ATP13A5: variants seen among roughly 807,000 people sequenced by gnomAD.
ATP13A5 encodes probable cation-transporting ATPase 13A5.
ATP13A5 carries 149 observed loss-of-function variants against 150.2 expected under a neutral mutation model. The ratio of observed to expected loss-of-function variants is 0.99; its 90% CI spans 0.87 to 1.14. ATP13A5 has a LOEUF of 1.14. ATP13A5 is among the 50% of genes most tolerant of loss of function. ATP13A5 has a pLI of 0.00. For missense variants in ATP13A5, 1,383 were observed against 1,449.3 expected, an observed-to-expected ratio of 0.95 and a Z score of 0.74; for synonymous variants, 497 against 522.2, an observed-to-expected ratio of 0.95 and a Z score of 0.66.
chr3:193,363,607 C>A (rs140130490), intron 2 of ATP13A5, among the ~76,000 whole-genome samples: 9 of 152,238 alleles, frequency 5.9e-5, no homozygotes, highest in African/African-American at 2.2e-4. Context: ...CCAGATGATT[C>A]TGATATGCAC....
At chr3:193,338,422 A>G (rs1244720177) in intron 9 of ATP13A5, among the ~76,000 whole-genome samples, 1 of 152,144 alleles carries the variant, frequency 6.6e-6, no homozygotes, top group Non-Finnish European at 1.5e-5. Flanking sequence ...TACCTAATTT[A>G]TTGAAAGTTT....
intron 25 of ATP13A5, among the ~76,000 whole-genome samples, chr3:193,292,903 G>T (rs537554037): frequency 6.6e-6 from 1 of 152,192 alleles, no homozygotes; most frequent in East Asian, 1.9e-4. Flanking sequence ...TACTACTTCT[G>T]ACAGAGAATC....
At chr3:193,296,410 C>T (rs1388779053) in intron 25 of ATP13A5, among the ~76,000 whole-genome samples, 6 of 152,136 alleles carry the variant, frequency 3.9e-5, no homozygotes, top group Non-Finnish European at 8.8e-5. Context: ...TATGGCTAGC[C>T]AGTTCTCCCA....
chr3:193,314,679 G>T (rs1308623924), intron 18 of ATP13A5, among the ~76,000 whole-genome samples: 1 of 152,108 alleles, frequency 6.6e-6, no homozygotes, highest in Non-Finnish European at 1.5e-5. Context: ...TGGGTTTCTT[G>T]ATGAGAACAC....
chr3:193,363,376 A>G lies in ATP13A5; in HGVS notation c.244T>C (p.Phe82Leu). The change falls in exon 3 of 30, where the codon TTT (phenylalanine) becomes CTT (leucine). Residue 82 changes from phenylalanine to leucine, a missense_variant. Transcript: ENST00000342358. ...DTVLLRTTDE[F>L]QRYMRKKVFC... is the part of the protein sequence containing the mutation. Reference sequence around the variant, plus strand: ...ACCTTCTTCCTCATATATCTTTGAAATTCGTCCTGGAAAAGACAATCCAGT... The same window carrying G: ...ACCTTCTTCCTCATATATCTTTGAAGTTCGTCCTGGAAAAGACAATCCAGT... 6.2e-7 allele frequency: 1 copy of G among 1,611,334 alleles called. No individual in the cohort carries two copies. The highest frequency in any genetic ancestry group is 8.5e-7 in the Non-Finnish European group (1 of 1,178,616).
intron 16 of ATP13A5, among the ~76,000 whole-genome samples, chr3:193,319,913 A>G (rs1408612480): frequency 6.6e-6 from 1 of 152,214 alleles, no homozygotes; most frequent in Non-Finnish European, 1.5e-5. Flanking sequence ...GTGTTGAGGA[A>G]TTGAAATGGA....
At chr3:193,300,055 A>G (rs553296039) in intron 24 of ATP13A5, among the ~76,000 whole-genome samples, 18 of 152,020 alleles carry the variant, frequency 1.2e-4, no homozygotes, top group Non-Finnish European at 2.6e-4. Context: ...TATGGTTTCT[A>G]CCTCCATCCG....
At chr3:193,289,766 G>T in intron 26 of ATP13A5, 119 bp downstream of exon 26, 301 of 847,782 alleles carry the variant, frequency 3.6e-4, no homozygotes, top group East Asian at 6.8e-4. Flanking sequence ...TTTGAGTTTT[G>T]CAGCGACACA....
intron 17 of ATP13A5, among the ~76,000 whole-genome samples, chr3:193,316,803 A>C (rs1719068598): frequency 6.6e-6 from 1 of 152,108 alleles, no homozygotes; most frequent in Non-Finnish European, 1.5e-5. Flanking sequence ...TGCTGTGCAA[A>C]ACTTTTCAGT....
At chr3:193,372,803 C>A (rs1434292027) in intron 1 of ATP13A5, among the ~76,000 whole-genome samples, 1 of 152,210 alleles carries the variant, frequency 6.6e-6, no homozygotes, top group African/African-American at 2.4e-5. Flanking sequence ...AGGTCTGTTA[C>A]ATTGCATCTT....
At chr3:193,296,191 G>A (rs1315279550) in intron 25 of ATP13A5, among the ~76,000 whole-genome samples, 2 of 152,090 alleles carry the variant, frequency 1.3e-5, no homozygotes, top group Admixed American at 6.6e-5. Flanking sequence ...GGAGGCAGCT[G>A]CAGAAAGGAA....
chr3:193,345,232 C>T (rs1313910445), intron 7 of ATP13A5, among the ~76,000 whole-genome samples, 157 bp from the exon 8 acceptor site: 1 of 152,146 alleles, frequency 6.6e-6, no homozygotes, highest in African/African-American at 2.4e-5. Context: ...TGCTCCAACC[C>T]CTACCTCACC....
intron 23 of ATP13A5, 82 bp downstream of exon 23, chr3:193,305,477 T>G: frequency 1.8e-6 from 2 of 1,100,808 alleles, no homozygotes; most frequent in Non-Finnish European, 2.8e-6. Flanking sequence ...ATTTATCACT[T>G]TAGCTTGTAG....
Position 193,315,022 on chromosome 3 carries a change from A to G in ATP13A5, c.2108T>C (p.Leu703Pro). 2 of 1,611,880 alleles carry G rather than the reference A, an allele frequency of 1.2e-6. No homozygotes were observed. Among genetic ancestry groups the G allele is most frequent in the Non-Finnish European group, 1.7e-6 (2 of 1,178,562 alleles). ...MENRLKKETK[L>P]VLKELSEARI... ...GGCCTCACTCAGTTCCTTCAAGACC[A>G]GTTTGGTTTCTTTTTTCAAGCGATT... Residue 703 changes from leucine to proline, a missense_variant, in exon 18 of 30, where the codon CTG becomes CCG. Around this residue, in one of 3 missense-constraint regions of ATP13A5, gnomAD observed 568 missense variants for 621.5 expected, o/e 0.91. Coordinates refer to ENST00000342358, the MANE Select transcript of ATP13A5 (RefSeq NM_198505.4).
At chr3:193,310,852 A>T in intron 20 of ATP13A5, 135 bp from the exon 21 acceptor site, 1 of 563,718 alleles carries the variant, frequency 1.8e-6, no homozygotes, top group African/African-American at 1.9e-5. Context: ...GACCAATACC[A>T]GGAAGGGAAA....
intron 22 of ATP13A5, among the ~76,000 whole-genome samples, chr3:193,306,745 T>C (rs1387133763): frequency 6.6e-6 from 1 of 152,220 alleles, no homozygotes; most frequent in African/African-American, 2.4e-5. Flanking sequence ...CTACTGCATA[T>C]GAAAAATAAT....
chr3:193,372,420 T>C (rs557468713), intron 1 of ATP13A5: 53 of 154,934 alleles, frequency 3.4e-4, no homozygotes, highest in African/African-American at 1.2e-3. Flanking sequence ...ATTATGACTG[T>C]TCTTTGGGAA....
chr3:193,354,053 T>C, intron 6 of ATP13A5, 74 bp downstream of exon 6: 1 of 1,207,584 alleles, frequency 8.3e-7, no homozygotes, highest in Non-Finnish European at 1.2e-6. Context: ...AGTATTTATG[T>C]GTTCCTTCTA....
intron 1 of ATP13A5, among the ~76,000 whole-genome samples, chr3:193,365,916 T>C (rs2108581913): frequency 6.6e-6 from 1 of 152,200 alleles, no homozygotes. Context: ...ACTGGAATAA[T>C]TTTTTAGGAA....
Sources: allele counts gnomAD v4.1 joint callset (sites outside exome capture counted in the v4.1 genomes callset), GRCh38; gene constraint gnomAD v4.1.1; regional missense constraint gnomAD v4.1.1; transcripts MANE v1.5; gene names NCBI Gene and HGNC (gene_info 2026-07-23, HGNC 2026-07-21).